Variants in COBLL1 observed in about 807,000 individuals in gnomAD.
The protein encoded by COBLL1 is cordon-bleu protein-like 1.
In COBLL1, 50 loss-of-function variants were observed where a neutral mutation model predicts 94.8. The observed-to-expected ratio is 0.53, with a 90% CI of 0.42 to 0.67. The LOEUF is 0.67. Ranked by LOEUF, COBLL1 falls within the 30% of genes least tolerant of loss-of-function variation. The pLI, the probability that COBLL1 is intolerant of heterozygous loss-of-function variation, is 0.00. For synonymous variants in COBLL1, 448 were observed against 473.8 expected, an observed-to-expected ratio of 0.95 and a Z score of 0.71; for missense variants, 1,362 against 1,348.7, an observed-to-expected ratio of 1.01 and a Z score of -0.15.
At chr2:164,748,702 C>T (rs1686987008) in intron 2 of COBLL1, among the ~76,000 whole-genome samples, 1 of 151,996 alleles carries the variant, frequency 6.6e-6, no homozygotes, top group African/African-American at 2.4e-5. Context: ...TTCCCCTTAA[C>T]AGTAAACAAC....
intron 2 of COBLL1, among the ~76,000 whole-genome samples, chr2:164,745,306 C>A (rs1456304403): frequency 6.6e-6 from 1 of 152,064 alleles, no homozygotes; most frequent in South Asian, 2.1e-4. Context: ...ATAATAGAAA[C>A]ATATTGTACT....
chr2:164,764,333 T>C (rs915116218), intron 2 of COBLL1, among the ~76,000 whole-genome samples: 3 of 152,240 alleles, frequency 2.0e-5, no homozygotes, highest in African/African-American at 7.2e-5. Context: ...TAGTATTTCA[T>C]ATAATTGTAA....
chr2:164,817,935 A>G (rs891965871), intron 2 of COBLL1, among the ~76,000 whole-genome samples: 6 of 152,158 alleles, frequency 3.9e-5, no homozygotes, highest in Admixed American at 3.9e-4. Flanking sequence ...GGCATAATTT[A>G]TCAATATGTT....
At chr2:164,790,961 G>A (rs964476645) in intron 2 of COBLL1, among the ~76,000 whole-genome samples, 1 of 152,146 alleles carries the variant, frequency 6.6e-6, no homozygotes, top group African/African-American at 2.4e-5. Flanking sequence ...ATATTATAAT[G>A]TGCTCTCCAA....
intron 2 of COBLL1, among the ~76,000 whole-genome samples, chr2:164,790,121 C>G (rs1457686044): frequency 6.6e-6 from 1 of 152,142 alleles, no homozygotes; most frequent in Non-Finnish European, 1.5e-5. Context: ...GTGGGGCCAC[C>G]ATCTGTGTGG....
chr2:164,731,235 G>A (rs562035969), intron 3 of COBLL1, among the ~76,000 whole-genome samples: 2 of 152,132 alleles, frequency 1.3e-5, no homozygotes, highest in African/African-American at 2.4e-5. Context: ...GATAGAAAAC[G>A]CTTATCAGCT....
intron 2 of COBLL1, among the ~76,000 whole-genome samples, chr2:164,776,506 G>A (rs915406707): frequency 9.9e-5 from 15 of 151,982 alleles, no homozygotes; most frequent in South Asian, 2.1e-4. Context: ...TCAAGTCTAC[G>A]GTAGCATACC....
intron 2 of COBLL1, among the ~76,000 whole-genome samples, chr2:164,798,877 G>C (rs557151933): frequency 1.1e-4 from 17 of 151,906 alleles, no homozygotes; most frequent in Non-Finnish European, 2.1e-4. Flanking sequence ...AAAATTAGCC[G>C]GGCAAGGTGG....
At position 164,722,539 on chromosome 2, in the gene COBLL1, G is replaced by C; in HGVS notation, c.662-17C>G. Reference sequence around the variant, plus strand: ...GGCAGGACTCTAAAATAGAAGAAAAGCATCTTACTTTTGTATGTGAGGTTG... The same window carrying C: ...GGCAGGACTCTAAAATAGAAGAAAACCATCTTACTTTTGTATGTGAGGTTG... On this transcript the variant is annotated splice_polypyrimidine_tract_variant and intron_variant, in intron 5 of 13. Transcript: ENST00000652658. 7.4e-7 allele frequency: 1 copy of C among 1,348,044 alleles called. No homozygotes were observed. Among genetic ancestry groups the C allele is most frequent in the South Asian group, 1.6e-5 (1 of 63,692 alleles). 83.5% of individuals were successfully genotyped at this position (1,348,044 alleles called of 1,614,324 possible).
chr2:164,698,683 C>T (rs927379214), intron 11 of COBLL1, among the ~76,000 whole-genome samples: 2 of 151,756 alleles, frequency 1.3e-5, no homozygotes, highest in African/African-American at 2.4e-5. Flanking sequence ...CAAAGTATCA[C>T]ATGTAATTTA....
At chr2:164,756,205 C>A (rs1268622008) in intron 2 of COBLL1, among the ~76,000 whole-genome samples, 3 of 151,982 alleles carry the variant, frequency 2.0e-5, no homozygotes, top group African/African-American at 7.3e-5. Context: ...AGTAACTTTT[C>A]CTGAAGCAAC....
intron 2 of COBLL1, among the ~76,000 whole-genome samples, chr2:164,826,414 T>A (rs1177291666): frequency 6.6e-6 from 1 of 152,236 alleles, no homozygotes; most frequent in East Asian, 1.9e-4. Context: ...TTCACTGGTT[T>A]CAAAATAGTA....
At chr2:164,712,861 AAT>A (rs1203265561) in intron 7 of COBLL1, among the ~76,000 whole-genome samples, 1 of 152,066 alleles carries the variant, frequency 6.6e-6, no homozygotes, top group East Asian at 1.9e-4. Flanking sequence ...CTAAATCCCA[AAT>A]AAAAGTCGCC....
chr2:164,728,222 T>C (rs200133166), intron 4 of COBLL1, 25 bp from the exon 5 acceptor site: 145 of 1,457,168 alleles, frequency 1.0e-4, no homozygotes, highest in Non-Finnish European at 1.3e-4. Context: ...AAAGCCATAG[T>C]TGTACCATAA....
chr2:164,837,483 C>T (rs1303586165), intron 2 of COBLL1: 1 of 464,456 alleles, frequency 2.2e-6, no homozygotes, highest in East Asian at 7.0e-5. Flanking sequence ...ACCAGTGTCT[C>T]CAACATTTTT....
intron 2 of COBLL1, among the ~76,000 whole-genome samples, chr2:164,812,309 T>A (rs1473650669): frequency 6.6e-6 from 1 of 152,058 alleles, no homozygotes; most frequent in Admixed American, 6.5e-5. Flanking sequence ...TTTTAATTGA[T>A]TCATTTTACA....
chr2:164,761,895 G>C (rs1419582401), intron 2 of COBLL1, among the ~76,000 whole-genome samples: 1 of 152,076 alleles, frequency 6.6e-6, no homozygotes, highest in East Asian at 1.9e-4. Context: ...GTACCTACCA[G>C]GCCCTTTTCA....
intron 2 of COBLL1, among the ~76,000 whole-genome samples, chr2:164,783,730 G>T (rs527403986): frequency 1.3e-5 from 2 of 152,120 alleles, no homozygotes; most frequent in Non-Finnish European, 2.9e-5. Context: ...CACTTTAGGA[G>T]GCCAAGGAGG....
intron 2 of COBLL1, among the ~76,000 whole-genome samples, chr2:164,663,762 C>T (rs951259178): frequency 1.8e-4 from 27 of 152,014 alleles, no homozygotes; most frequent in Admixed American, 3.9e-4. Context: ...TACACATAGA[C>T]ATAAGGATGG....
Sources: gnomAD v4.1 joint callset for allele counts (sites outside exome capture counted in the v4.1 genomes callset) on GRCh38, gnomAD v4.1.1 for gene constraint, MANE v1.5 for transcripts, NCBI Gene and HGNC (gene_info 2026-07-23, HGNC 2026-07-21) for gene names.